The following PDE10A variants were observed in gnomAD, a reference collection of about 807,000 sequenced individuals.
PDE10A encodes phosphodiesterase 10A, also known as cAMP and cAMP-inhibited cGMP 3',5'-cyclic phosphodiesterase 10A.
Under a neutral mutation model 97.7 loss-of-function variants are expected in PDE10A, and 39 were observed. That is an observed-to-expected ratio of 0.40 (90% CI 0.31 to 0.52). PDE10A has a LOEUF of 0.52. PDE10A is among the 20% of genes least tolerant of loss of function. The pLI is 0.56. For synonymous variants in PDE10A, 371 were observed against 376.8 expected (o/e 0.98, Z 0.18); for missense variants, 731 against 1,047.8 (o/e 0.70, Z 4.17).
chr6:165,638,360 G>C (rs1788976930), intron 1 of PDE10A, among the ~76,000 whole-genome samples: 1 of 152,166 alleles, frequency 6.6e-6, no homozygotes, highest in Non-Finnish European at 1.5e-5. Context: ...AGTTAACAAA[G>C]AGGAAGGACG....
At chr6:165,920,698 C>A (rs772988694) in intron 1 of PDE10A, among the ~76,000 whole-genome samples, 1 of 152,148 alleles carries the variant, frequency 6.6e-6, no homozygotes, top group African/African-American at 2.4e-5. Flanking sequence ...TGTGCCCACA[C>A]CTCCCTGGTA....
intron 1 of PDE10A, among the ~76,000 whole-genome samples, chr6:165,916,309 C>T (rs555158725): frequency 3.3e-5 from 5 of 152,328 alleles, no homozygotes; most frequent in African/African-American, 7.2e-5. Flanking sequence ...CGATTCCACA[C>T]GTTCTTCTCT....
Position 165,804,617 on chromosome 6 carries a change from C to T in PDE10A, c.-615+182912G>A, listed in dbSNP as rs77326365. Among the ~76,000 whole-genome samples the T allele has an allele frequency of 6.5e-3, 993 of 152,212 alleles. 9 individuals carry two copies. Among genetic ancestry groups the T allele is most frequent in the African/African-American group, 0.023 (961 of 41,524 alleles). On this transcript the variant is annotated intron_variant, in intron 1 of 19. Coordinates refer to the PDE10A transcript ENST00000366882. Reference sequence around the variant, plus strand: ...GCCAAGGAGCGCCGGAGTTTGGAAACCTGGGGCCCTGGAAACCCGGGGGCC... The same window carrying T: ...GCCAAGGAGCGCCGGAGTTTGGAAATCTGGGGCCCTGGAAACCCGGGGGCC...
chr6:165,954,142 C>G (rs1784057636), intron 1 of PDE10A, among the ~76,000 whole-genome samples: 1 of 152,178 alleles, frequency 6.6e-6, no homozygotes, highest in Non-Finnish European at 1.5e-5. Context: ...GTTTGTTTAT[C>G]CATTTACCTA....
chr6:165,570,726 G>T (rs1423319789), intron 1 of PDE10A, among the ~76,000 whole-genome samples: 2 of 152,178 alleles, frequency 1.3e-5, no homozygotes, highest in Non-Finnish European at 2.9e-5. Flanking sequence ...GGTCTTTGAA[G>T]TAGAAACTAC....
chr6:165,610,030 A>C (rs1787413575), intron 1 of PDE10A, among the ~76,000 whole-genome samples: 1 of 152,226 alleles, frequency 6.6e-6, no homozygotes, highest in African/African-American at 2.4e-5. Context: ...TATGGAACCA[A>C]AAAAGAGCCC....
intron 2 of PDE10A, among the ~76,000 whole-genome samples, chr6:165,501,197 C>G (rs1173782666): frequency 6.6e-6 from 1 of 152,112 alleles, no homozygotes; most frequent in Admixed American, 6.5e-5. Flanking sequence ...GTCTCTCATC[C>G]CACCTGACAA....
At chr6:165,942,303 TAC>T (rs35207313) in intron 1 of PDE10A, among the ~76,000 whole-genome samples, 1 of 150,652 alleles carries the variant, frequency 6.6e-6, no homozygotes. Flanking sequence ...TATATATATA[TAC>T]ACACACATAT....
intron 1 of PDE10A, among the ~76,000 whole-genome samples, chr6:165,814,349 C>T (rs1360425851): frequency 6.6e-6 from 1 of 152,130 alleles, no homozygotes; most frequent in Non-Finnish European, 1.5e-5. Context: ...AAAACGATCC[C>T]AGCCCCTTGC....
At chr6:165,467,330 A>G (rs574553171) in intron 3 of PDE10A, among the ~76,000 whole-genome samples, 1 of 152,352 alleles carries the variant, frequency 6.6e-6, no homozygotes, top group East Asian at 1.9e-4. Context: ...AAAGCAGACG[A>G]AACATTCTTA....
intron 1 of PDE10A, among the ~76,000 whole-genome samples, chr6:165,626,608 C>G (rs1194862344): frequency 2.0e-5 from 3 of 152,088 alleles, no homozygotes. Flanking sequence ...CCTAAAATAC[C>G]ACGGCTGAAA....
At chr6:165,391,478 T>C (rs564995053) in intron 16 of PDE10A, among the ~76,000 whole-genome samples, 13 of 152,270 alleles carry the variant, frequency 8.5e-5, no homozygotes, top group African/African-American at 1.9e-4. Flanking sequence ...AACAAGACAA[T>C]GAAATTGCTT....
At chr6:165,799,474 G>T (rs1275667812) in intron 1 of PDE10A, among the ~76,000 whole-genome samples, 4 of 152,132 alleles carry the variant, frequency 2.6e-5, no homozygotes, top group African/African-American at 9.7e-5. Context: ...TCACTATGGA[G>T]GGATTTTCCC....
intron 1 of PDE10A, among the ~76,000 whole-genome samples, chr6:165,551,088 A>ACTG (rs953624217): frequency 2.0e-4 from 30 of 152,312 alleles, no homozygotes; most frequent in African/African-American, 7.0e-4. Flanking sequence ...ATACCACCAC[A>ACTG]CTGCTCATCA....
At chr6:165,709,385 A>T (rs1582970842) in intron 1 of PDE10A, among the ~76,000 whole-genome samples, 2 of 82,606 alleles carry the variant, frequency 2.4e-5, no homozygotes, top group African/African-American at 5.0e-5. Context: ...CGTACCCTCC[A>T]CCACCATGCT....
At chr6:165,468,537 T>C (rs1778798204) in intron 3 of PDE10A, among the ~76,000 whole-genome samples, 1 of 152,200 alleles carries the variant, frequency 6.6e-6, no homozygotes, top group Non-Finnish European at 1.5e-5. Context: ...TTTGCTTTAT[T>C]GGAACAGTCT....
chr6:165,964,433 C>T (rs1388208958), intron 1 of PDE10A, among the ~76,000 whole-genome samples: 2 of 152,248 alleles, frequency 1.3e-5, no homozygotes, highest in East Asian at 1.9e-4. Context: ...TGTGTCATTG[C>T]CAGCTTTACT....
intron 17 of PDE10A, among the ~76,000 whole-genome samples, chr6:165,385,922 G>A (rs1935455697): frequency 6.6e-6 from 1 of 152,136 alleles, no homozygotes; most frequent in Admixed American, 6.5e-5. Flanking sequence ...CCCAGCTTCT[G>A]TTTTTGCAAT....
intron 1 of PDE10A, among the ~76,000 whole-genome samples, chr6:165,595,665 T>C (rs1228626194): frequency 6.6e-6 from 1 of 152,164 alleles, no homozygotes; most frequent in Non-Finnish European, 1.5e-5. Context: ...CTGGATAATC[T>C]AGGAACAACA....
Sources: gnomAD v4.1 joint callset for allele counts (sites outside exome capture counted in the v4.1 genomes callset) on GRCh38, gnomAD v4.1.1 for gene constraint, MANE v1.5 for transcripts, NCBI Gene and HGNC (gene_info 2026-07-23, HGNC 2026-07-21) for gene names.